COG5: variants seen among roughly 807,000 people sequenced by gnomAD.
COG5 encodes the protein component of oligomeric golgi complex 5, also known as conserved oligomeric Golgi complex subunit 5.
Under a neutral mutation model 110.4 loss-of-function variants are expected in COG5, and 86 were observed. The ratio of observed to expected loss-of-function variants is 0.78; its 90% CI spans 0.65 to 0.93. The LOEUF is 0.93. Ranked by LOEUF, COG5 falls within the 40% of genes least tolerant of loss-of-function variation. COG5 has a pLI of 0.00. For synonymous variants in COG5, 360 were observed against 334.6 expected (o/e 1.08, Z -0.83); for missense variants, 1,077 against 987.0 (o/e 1.09, Z -1.22).
At chr7:107,289,036 G>A (rs1009352563) in intron 12 of COG5, among the ~76,000 whole-genome samples, 2 of 147,972 alleles carry the variant, frequency 1.4e-5, no homozygotes, top group Admixed American at 1.4e-4. Context: ...ATCTTGTCCA[G>A]GCTGGACTCA....
chr7:107,340,128 A>T (rs1811053698), intron 10 of COG5, among the ~76,000 whole-genome samples: 1 of 152,116 alleles, frequency 6.6e-6, no homozygotes, highest in East Asian at 1.9e-4. Context: ...ATAGACCACT[A>T]GCTAGATTAA....
intron 14 of COG5, among the ~76,000 whole-genome samples, chr7:107,277,915 T>C (rs1584611292): frequency 6.6e-6 from 1 of 152,192 alleles, no homozygotes; most frequent in South Asian, 2.1e-4. Flanking sequence ...ATTATAAGTA[T>C]ATAACGCACT....
chr7:107,457,366 A>G (rs1054630349), intron 6 of COG5, among the ~76,000 whole-genome samples: 2 of 151,588 alleles, frequency 1.3e-5, no homozygotes, highest in African/African-American at 4.8e-5. Context: ...TGAGGAGAAA[A>G]AAAAAAAAAA....
rs974634233 is a variant in COG5 at position 107,201,705 on chromosome 7, G to T, written c.*1811C>A. The T allele has an allele frequency of 1.4e-5, 5 of 360,772 alleles. No homozygotes were observed. The highest frequency in any genetic ancestry group is 1.0e-4 in the African/African-American group (5 of 47,792). 22.3% of individuals were successfully genotyped at this position (360,772 alleles called of 1,614,324 possible). On this transcript the variant is annotated 3_prime_UTR_variant, in exon 22 of 22. Transcript: ENST00000297135. ...TCAGGTAATAATAGGCTTGAAAATTGATATCCTGTGGTGCTAAAGTACAGT... is the reference window on the plus strand; with the variant it reads ...TCAGGTAATAATAGGCTTGAAAATTTATATCCTGTGGTGCTAAAGTACAGT...
rs201643911 is a variant in COG5 at position 107,362,814 on chromosome 7, TAA to T, written c.836-396_836-395del. On this transcript the variant is annotated intron_variant, in intron 8 of 21. Transcript: ENST00000297135. ...TGTATGTGTGTTGTATCCCCTTTCT[TAA>T]AAAAAAAAAAAACCCTAAAACTGAA... Among the ~76,000 whole-genome samples the T allele has an allele frequency of 2.9e-3, 402 of 138,184 alleles. 3 individuals are homozygous for T. Among genetic ancestry groups the T allele is most frequent in the African/African-American group, 0.01 (381 of 37,198 alleles). The allele number at this position is 138,184 out of a possible 152,430, so 90.7% of individuals were successfully genotyped here.
At position 107,557,976 on chromosome 7, in the gene COG5, C is replaced by T. The variant is rs901083915; in HGVS notation, c.234G>A (p.Gln78=). The change falls in exon 2 of 22, where the codon CAG becomes CAA. Residue 78 remains glutamine, a splice_region_variant and synonymous_variant. Transcript: ENST00000297135. The stretch of plus-strand genomic sequence containing the variant: ...TAGGGACCCAGAAGATCAGAATTAC[C>T]TGTAAGTGTAGTTCTCTGTCCAACT... The part of the protein sequence containing the change: ...ISQLDRELHL[Q]VVARHEDLLA... The T allele has an allele frequency of 6.2e-7, 1 of 1,613,942 alleles. No individual in the cohort carries two copies. Among genetic ancestry groups the T allele is most frequent in the Admixed American group, 1.7e-5 (1 of 60,024 alleles).
chr7:107,410,591 C>T (rs747089460), intron 7 of COG5, among the ~76,000 whole-genome samples: 20 of 151,874 alleles, frequency 1.3e-4, no homozygotes, highest in African/African-American at 2.7e-4. Flanking sequence ...TACAGGAGTG[C>T]GCCACAATGC....
Position 107,212,860 on chromosome 7 carries a change from C to T in COG5, c.2169-1635G>A, listed in dbSNP as rs1051621036. 3.3e-5 allele frequency among the ~76,000 whole-genome samples: 5 copies of T among 152,206 alleles called. No homozygotes were observed. The East Asian group carries it at 9.6e-4, about 29-fold the overall frequency. On this transcript the variant is annotated intron_variant, in intron 19 of 21. Coordinates refer to ENST00000297135, the MANE Select transcript of COG5 (RefSeq NM_006348.5). ...CTTGACCATATCACTCCTCCCACTC[C>T]TCCAAGTCAGCACAGAGCCACAGGG...
chr7:107,543,847 C>T (rs1472676570), intron 5 of COG5, among the ~76,000 whole-genome samples: 1 of 152,166 alleles, frequency 6.6e-6, no homozygotes, highest in Admixed American at 6.5e-5. Flanking sequence ...TCTGGCAGAG[C>T]CAGGGTCCAG....
chr7:107,299,994 T>C (rs1170427822), intron 11 of COG5, among the ~76,000 whole-genome samples: 5 of 151,270 alleles, frequency 3.3e-5, no homozygotes, highest in African/African-American at 1.2e-4. Flanking sequence ...GTGTTGGGAT[T>C]ACAGACATGA....
rs527771814 is a variant in COG5 at position 107,563,826 on chromosome 7, G to A, written c.71C>T (p.Thr24Ile). ...ACCGTCCTGCAGAAGTTCCCGGACT[G>A]TAGCTGCAGCCGCTCCAGAGCCTCG... ...GARGSGAAAA[T>I]VRELLQDGCY... The change falls in exon 1 of 22, where the codon ACA becomes ATA. Residue 24 changes from threonine to isoleucine, a missense_variant. Transcript: ENST00000297135. 2 of 1,613,828 alleles carry A rather than the reference G, an allele frequency of 1.2e-6. No individual in the cohort carries two copies. Among genetic ancestry groups the A allele is most frequent in the African/African-American group, 2.7e-5 (2 of 75,050 alleles).
intron 1 of COG5, among the ~76,000 whole-genome samples, chr7:107,562,158 A>G (rs1803854248): frequency 6.6e-6 from 1 of 152,216 alleles, no homozygotes; most frequent in Admixed American, 6.5e-5. Flanking sequence ...AGGGAAGCTT[A>G]AAGTCATTTG....
In COG5 at chr7:107,332,247, T is replaced by C. The variant is rs181970593; in HGVS notation, c.1027-7726A>G. ...CTATTAGCCTGTGCGAGCTTTTCCA[T>C]ATATTGCATGTGGCATGGGAAGAAA... On this transcript the variant is annotated intron_variant, in intron 10 of 21. Coordinates refer to ENST00000297135, the MANE Select transcript of COG5 (RefSeq NM_006348.5). 2.9e-3 allele frequency among the ~76,000 whole-genome samples: 438 copies of C among 152,278 alleles called. 3 individuals are homozygous for C. Among genetic ancestry groups the C allele is most frequent in the African/African-American group, 9.9e-3 (413 of 41,546 alleles).
At chr7:107,252,489 A>G in intron 16 of COG5, among the ~76,000 whole-genome samples, 1 of 152,162 alleles carries the variant, frequency 6.6e-6, no homozygotes, top group Non-Finnish European at 1.5e-5. Context: ...AACAAAAACA[A>G]AAACAAATTC....
intron 12 of COG5, among the ~76,000 whole-genome samples, chr7:107,297,597 C>T (rs1292377548): frequency 1.3e-5 from 2 of 151,752 alleles, no homozygotes; most frequent in African/African-American, 4.8e-5. Flanking sequence ...TACAGGCGAG[C>T]GCCACCATGC....
intron 8 of COG5, among the ~76,000 whole-genome samples, chr7:107,362,744 C>T (rs978905467): frequency 3.3e-5 from 5 of 151,462 alleles, no homozygotes; most frequent in Admixed American, 6.6e-5. Flanking sequence ...TTGTAGGAAA[C>T]CATCTTCACT....
rs149364564 is a variant in COG5, at chr7:107,303,900, C to T, written c.1109-5554G>A. 9.5e-3 allele frequency among the ~76,000 whole-genome samples: 1,451 copies of T among 152,138 alleles called. 10 individuals carry two copies. Among genetic ancestry groups the T allele is most frequent in the Non-Finnish European group, 0.015 (1,004 of 68,008 alleles). On this transcript the variant is annotated intron_variant, in intron 11 of 21. Coordinates refer to ENST00000297135, the MANE Select transcript of COG5 (RefSeq NM_006348.5). ...AAAATTACAGGTTAATTCCCAGTTA[C>T]CTGGGAATGTATTATTCAGATTATT...
At chr7:107,337,519 G>T (rs1359669764) in intron 10 of COG5, among the ~76,000 whole-genome samples, 3 of 152,154 alleles carry the variant, frequency 2.0e-5, no homozygotes, top group African/African-American at 7.2e-5. Flanking sequence ...GTCATTAAGT[G>T]AAACAGGCCA....
chr7:107,257,724 G>A (rs1802988453), intron 15 of COG5, among the ~76,000 whole-genome samples: 1 of 151,956 alleles, frequency 6.6e-6, no homozygotes, highest in Non-Finnish European at 1.5e-5. Flanking sequence ...AATATATGAA[G>A]ACAAACAAGG....
Sources: allele counts gnomAD v4.1 joint callset (sites outside exome capture counted in the v4.1 genomes callset), GRCh38; gene constraint gnomAD v4.1.1; transcripts MANE v1.5; gene names NCBI Gene and HGNC (gene_info 2026-07-23, HGNC 2026-07-21).